Variants in KLHL1 observed in about 807,000 individuals in gnomAD.
The protein encoded by KLHL1 is kelch like family member 1.
A neutral mutation model predicts 77.7 loss-of-function variants in KLHL1; 47 were observed. That is an observed-to-expected ratio of 0.60 (90% CI 0.48 to 0.77). The LOEUF is 0.77. Ranked by LOEUF, KLHL1 falls within the 30% of genes least tolerant of loss-of-function variation. The pLI, the probability that KLHL1 is intolerant of heterozygous loss-of-function variation, is 0.00. For missense variants in KLHL1, 925 were observed against 910.8 expected, an observed-to-expected ratio of 1.02 and a Z score of -0.20; for synonymous variants, 360 against 325.2, an observed-to-expected ratio of 1.11 and a Z score of -1.15.
intron 1 of KLHL1, among the ~76,000 whole-genome samples, chr13:70,024,822 A>C (rs915995963): frequency 1.1e-4 from 17 of 151,894 alleles, no homozygotes; most frequent in African/African-American, 4.1e-4. Flanking sequence ...CTGCAATTTG[A>C]TTCCCTTAAA....
chr13:69,727,769 G>C (rs1273233033), intron 8 of KLHL1, among the ~76,000 whole-genome samples: 6 of 151,782 alleles, frequency 4.0e-5, no homozygotes, highest in African/African-American at 1.2e-4. Flanking sequence ...TCTACTAATT[G>C]TACAGTTTCC....
At chr13:69,781,148 A>G (rs1262889068) in intron 7 of KLHL1, among the ~76,000 whole-genome samples, 2 of 152,086 alleles carry the variant, frequency 1.3e-5, no homozygotes, top group Non-Finnish European at 2.9e-5. Flanking sequence ...CAGAGACCAT[A>G]TACTGACTAT....
At chr13:69,840,684 T>TTA (rs199637580) in intron 5 of KLHL1, among the ~76,000 whole-genome samples, 1,759 of 145,034 alleles carry the variant, frequency 0.012, 20 homozygotes, top group African/African-American at 0.036. Flanking sequence ...AACATTAACT[T>TTA]TATATATATA....
chr13:69,785,080 G>C (rs995824945), intron 7 of KLHL1, among the ~76,000 whole-genome samples: 1 of 151,120 alleles, frequency 6.6e-6, no homozygotes, highest in Non-Finnish European at 1.5e-5. Context: ...TTTTAGTAGA[G>C]ACGGGGTTTC....
At chr13:70,010,670 C>T (rs1321283324) in intron 1 of KLHL1, among the ~76,000 whole-genome samples, 1 of 151,898 alleles carries the variant, frequency 6.6e-6, no homozygotes. Flanking sequence ...GTGGTTGGAT[C>T]ACCTGAGGTC....
intron 4 of KLHL1, among the ~76,000 whole-genome samples, chr13:69,927,472 C>T (rs1403667523): frequency 8.6e-5 from 13 of 152,006 alleles, no homozygotes; most frequent in Admixed American, 8.5e-4. Flanking sequence ...AAGTGAGAAG[C>T]GACCCACAAA....
At chr13:69,761,587 G>T (rs1593805365) in intron 7 of KLHL1, among the ~76,000 whole-genome samples, 1 of 152,176 alleles carries the variant, frequency 6.6e-6, no homozygotes, top group Non-Finnish European at 1.5e-5. Flanking sequence ...TACTATGCCA[G>T]ATTTTCATGC....
intron 7 of KLHL1, among the ~76,000 whole-genome samples, chr13:69,790,759 T>C (rs1451642770): frequency 6.6e-6 from 1 of 152,076 alleles, no homozygotes. Flanking sequence ...AAACATTCAT[T>C]GAACTAGGGG....
At chr13:69,999,296 CG>C in intron 1 of KLHL1, among the ~76,000 whole-genome samples, 1 of 151,810 alleles carries the variant, frequency 6.6e-6, no homozygotes, top group Admixed American at 6.6e-5. Flanking sequence ...GCATGATTAC[CG>C]GAAGGCGAAG....
chr13:69,934,111 A>C (rs1883093366), intron 4 of KLHL1, among the ~76,000 whole-genome samples: 1 of 152,120 alleles, frequency 6.6e-6, no homozygotes, highest in Admixed American at 6.6e-5. Flanking sequence ...CTTGCCTTGC[A>C]GGGATTTTGA....
chr13:69,847,648 C>G (rs1298928923), intron 5 of KLHL1, among the ~76,000 whole-genome samples: 1 of 151,502 alleles, frequency 6.6e-6, no homozygotes, highest in Non-Finnish European at 1.5e-5. Context: ...TATGAAAACA[C>G]TCTCACATTC....
At chr13:69,851,720 T>TTA (rs1879698082) in intron 5 of KLHL1, among the ~76,000 whole-genome samples, 1 of 151,778 alleles carries the variant, frequency 6.6e-6, no homozygotes, top group Admixed American at 6.6e-5. Flanking sequence ...CTGTTCTCTA[T>TTA]TATAGACCTT....
intron 7 of KLHL1, among the ~76,000 whole-genome samples, chr13:69,767,394 CTCTTT>C (rs1195877283): frequency 1.3e-5 from 2 of 152,058 alleles, no homozygotes; most frequent in Admixed American, 1.3e-4. Flanking sequence ...AACCTCTCTT[CTCTTT>C]TAAGAAATAT....
chr13:69,780,692 A>ATATG (rs1876102813), intron 7 of KLHL1, among the ~76,000 whole-genome samples: 3 of 9,884 alleles, frequency 3.0e-4, no homozygotes, highest in Admixed American at 1.3e-3. Flanking sequence ...CTTCATATAT[A>ATATG]TATATATATG....
chr13:69,762,398 A>C (rs7338728), intron 7 of KLHL1, among the ~76,000 whole-genome samples: 1 of 152,114 alleles, frequency 6.6e-6, no homozygotes, highest in African/African-American at 2.4e-5. Flanking sequence ...AAGTGCTGCA[A>C]GGCTTTAAAG....
At chr13:69,882,617 T>G in intron 4 of KLHL1, 122 bp from the exon 5 acceptor site, 1 of 661,018 alleles carries the variant, frequency 1.5e-6, no homozygotes, top group Non-Finnish European at 2.6e-6. Context: ...TCCTTGAGAC[T>G]CGATCCTTCA....
intron 1 of KLHL1, among the ~76,000 whole-genome samples, chr13:70,075,927 A>T (rs1479941746): frequency 6.6e-6 from 1 of 151,178 alleles, no homozygotes; most frequent in African/African-American, 2.4e-5. Flanking sequence ...GTCAAAATCT[A>T]AAAAAATGCA....
chr13:69,933,793 A>AG lies in KLHL1; in HGVS notation c.1014+6246dup, dbSNP rs1219241281. On this transcript the variant is annotated intron_variant, in intron 4 of 10. Transcript: ENST00000377844. ...GGTAGCACCGGACAGAAAACAGAGA[A>AG]GGGGGAAAAAAAAATACTTGAGAAA... Among the ~76,000 whole-genome samples the AG allele has an allele frequency of 2.6e-5, 4 of 152,050 alleles. No individual in the cohort carries two copies. The East Asian group carries it at 5.8e-4, about 22-fold the overall frequency.
At chr13:69,768,465 A>C (rs1875412160) in intron 7 of KLHL1, among the ~76,000 whole-genome samples, 1 of 152,152 alleles carries the variant, frequency 6.6e-6, no homozygotes, top group South Asian at 2.1e-4. Flanking sequence ...CTAATCAGGG[A>C]AACTTAAGCC....
Sources: allele counts gnomAD v4.1 joint callset (sites outside exome capture counted in the v4.1 genomes callset), GRCh38; gene constraint gnomAD v4.1.1; transcripts MANE v1.5; gene names NCBI Gene and HGNC (gene_info 2026-07-23, HGNC 2026-07-21).